Variants in TOX3 observed in about 807,000 individuals in gnomAD.
TOX3 encodes the protein TOX high mobility group box family member 3, also known as CAG trinucleotide repeat-containing gene F9 protein.
In TOX3, 22 loss-of-function variants were observed where a neutral mutation model predicts 64.3. The observed-to-expected ratio is 0.34, with a 90% CI of 0.24 to 0.49. TOX3 has a LOEUF of 0.49. TOX3 is among the 20% of genes least tolerant of loss of function. The pLI is 0.99. For synonymous variants in TOX3, 291 were observed against 273.6 expected, an observed-to-expected ratio of 1.06 and a Z score of -0.63; for missense variants, 661 against 714.4, an observed-to-expected ratio of 0.93 and a Z score of 0.85.
chr16:52,545,143 C>T (rs139902274), intron 1 of TOX3, among the ~76,000 whole-genome samples: 1 of 152,296 alleles, frequency 6.6e-6, no homozygotes, highest in Non-Finnish European at 1.5e-5. Flanking sequence ...CTGAGTAAAT[C>T]CAAAATCAGA....
chr16:52,483,689 C>A (rs1175569477), intron 1 of TOX3, among the ~76,000 whole-genome samples: 1 of 151,236 alleles, frequency 6.6e-6, no homozygotes, highest in Non-Finnish European at 1.5e-5. Flanking sequence ...CTGCCTCAGC[C>A]TCCCGAGTAG....
At position 52,439,725 on chromosome 16, in the gene TOX3, T is replaced by A. The variant is rs748687119; in HGVS notation, c.1231A>T (p.Ile411Phe). ...VTIAANMPSN[I>F]GAPLISSMGT... Reference sequence around the variant, plus strand: ...ATGGAGCTTATCAGTGGAGCCCCAATGTTCGAGGGCATGTTGGCTGCAATG... The same window carrying A: ...ATGGAGCTTATCAGTGGAGCCCCAAAGTTCGAGGGCATGTTGGCTGCAATG... Residue 411 changes from isoleucine (I) to phenylalanine (F), a missense_variant, in exon 7 of 7, where the codon ATT becomes TTT. Coordinates refer to ENST00000219746, the MANE Select transcript of TOX3 (RefSeq NM_001080430.4). The A allele has an allele frequency of 1.2e-6, 2 of 1,613,986 alleles. No individual in the cohort carries two copies. The highest frequency in any genetic ancestry group is 4.5e-5 in the East Asian group (2 of 44,872).
At chr16:52,523,136 G>A (rs1196425978) in intron 1 of TOX3, among the ~76,000 whole-genome samples, 1 of 152,218 alleles carries the variant, frequency 6.6e-6, no homozygotes, top group Non-Finnish European at 1.5e-5. Context: ...GCCCATCAAA[G>A]TCCTCCCTGA....
At chr16:52,532,710 A>T (rs1453932162) in intron 1 of TOX3, among the ~76,000 whole-genome samples, 1 of 152,254 alleles carries the variant, frequency 6.6e-6, no homozygotes. Context: ...ATACGAAGGC[A>T]AAACAGTAAG....
At position 52,546,946 on chromosome 16, in the gene TOX3, G is replaced by GGGGACGCGCCCGGCCGGA. The variant is rs1403078091; in HGVS notation, c.-224_-223insTCCGGCCGGGCGCGTCCC. The GGGGACGCGCCCGGCCGGA allele has an allele frequency of 1.0e-6, 1 of 995,174 alleles. No individual in the cohort carries two copies. Among genetic ancestry groups the GGGGACGCGCCCGGCCGGA allele is most frequent in the African/African-American group, 1.8e-5 (1 of 56,782 alleles). The allele number at this position is 995,174 out of a possible 1,614,324, so 61.6% of individuals were successfully genotyped here. A position where few individuals can be genotyped will look rare whatever the true frequency, so the allele number is the denominator to read the frequency against. On this transcript the variant is annotated 5_prime_UTR_variant, in exon 1 of 7. Coordinates refer to ENST00000219746, the MANE Select transcript of TOX3 (RefSeq NM_001080430.4). ...CCGCGGGAGAGCGGGAGGCGGCCGGGGGGACGCGCCCCGCCGGGGCACCGA... is the reference window on the plus strand; with the variant it reads ...CCGCGGGAGAGCGGGAGGCGGCCGGGGGGACGCGCCCGGCCGGAGGGACGCGCCCCGCCGGGGCACCGA...
chr16:52,489,345 C>T (rs188186106), intron 1 of TOX3, among the ~76,000 whole-genome samples: 1 of 152,272 alleles, frequency 6.6e-6, no homozygotes, highest in East Asian at 1.9e-4. Context: ...GATCTGTCCC[C>T]CTTCACCTTT....
intron 1 of TOX3, among the ~76,000 whole-genome samples, chr16:52,546,034 G>A (rs1028586846): frequency 6.6e-6 from 1 of 152,242 alleles, no homozygotes; most frequent in East Asian, 1.9e-4. Context: ...TCTAAGCGGG[G>A]AGGGGCGGGC....
rs73583137 is a variant in TOX3 at position 52,457,048 on chromosome 16, A to T, written c.409-6502T>A. The stretch of plus-strand genomic sequence containing the variant: ...TGAAGATATGTCTTAGGGTAGCAGG[A>T]TATGAGAAGAGAATGGATAAAACTT... On this transcript the variant is annotated intron_variant, in intron 3 of 6. Transcript: ENST00000219746. Among the ~76,000 whole-genome samples, 1,139 of 152,344 alleles carry T rather than the reference A, an allele frequency of 7.5e-3. 15 individuals carry two copies. The highest frequency in any genetic ancestry group is 0.025 in the African/African-American group (1,049 of 41,592).
chr16:52,516,157 T>C (rs1425562746), intron 1 of TOX3, among the ~76,000 whole-genome samples: 1 of 152,212 alleles, frequency 6.6e-6, no homozygotes, highest in African/African-American at 2.4e-5. Context: ...CAAATGGTAA[T>C]GAATATTAAT....
At chr16:52,525,651 T>C (rs568102003) in intron 1 of TOX3, among the ~76,000 whole-genome samples, 2 of 152,302 alleles carry the variant, frequency 1.3e-5, no homozygotes, top group Non-Finnish European at 2.9e-5. Flanking sequence ...ATTTGAGTTC[T>C]AGAGAGTGCA....
chr16:52,533,681 A>T (rs1962895067), intron 1 of TOX3, among the ~76,000 whole-genome samples: 1 of 152,254 alleles, frequency 6.6e-6, no homozygotes, highest in Admixed American at 6.5e-5. Context: ...TTAAGAGAAA[A>T]AAAGAGGTAA....
At chr16:52,471,205 G>A (rs1180852129) in intron 1 of TOX3, among the ~76,000 whole-genome samples, 1 of 152,212 alleles carries the variant, frequency 6.6e-6, no homozygotes, top group African/African-American at 2.4e-5. Flanking sequence ...ACTGGGTGCT[G>A]TGTATTTTTA....
chr16:52,473,751 T>G (rs1961119990), intron 1 of TOX3, among the ~76,000 whole-genome samples: 1 of 150,998 alleles, frequency 6.6e-6, no homozygotes, highest in Non-Finnish European at 1.5e-5. Flanking sequence ...AGGCAAAGCA[T>G]GACTTTGTGA....
At chr16:52,479,925 C>T (rs1238411209) in intron 1 of TOX3, among the ~76,000 whole-genome samples, 1 of 152,170 alleles carries the variant, frequency 6.6e-6, no homozygotes, top group African/African-American at 2.4e-5. Context: ...CAGAAAACAA[C>T]TCTTTGGAAA....
At chr16:52,542,533 C>T (rs1183656293) in intron 1 of TOX3, among the ~76,000 whole-genome samples, 1 of 152,088 alleles carries the variant, frequency 6.6e-6, no homozygotes, top group African/African-American at 2.4e-5. Context: ...ATATTGGACC[C>T]AAATGTTGGC....
At chr16:52,492,928 T>C (rs1430569214) in intron 1 of TOX3, among the ~76,000 whole-genome samples, 1 of 151,594 alleles carries the variant, frequency 6.6e-6, no homozygotes, top group Non-Finnish European at 1.5e-5. Context: ...ACTCCAGCTT[T>C]CGTTCTGAGA....
chr16:52,503,781 G>A (rs1466323693), intron 1 of TOX3, among the ~76,000 whole-genome samples: 3 of 151,970 alleles, frequency 2.0e-5, no homozygotes, highest in Non-Finnish European at 4.4e-5. Flanking sequence ...ATGTGTTTAT[G>A]GTAACAACAT....
chr16:52,450,970 G>A (rs965906152), intron 3 of TOX3, among the ~76,000 whole-genome samples: 4 of 152,196 alleles, frequency 2.6e-5, no homozygotes, highest in Non-Finnish European at 2.9e-5. Context: ...ACCCATTTAG[G>A]CTCATCCATT....
intron 1 of TOX3, among the ~76,000 whole-genome samples, chr16:52,499,150 A>T (rs761824777): frequency 6.6e-6 from 1 of 152,146 alleles, no homozygotes; most frequent in Non-Finnish European, 1.5e-5. Flanking sequence ...GATTCACAAG[A>T]CCCCCTGGAA....
Sources: gnomAD v4.1 joint callset for allele counts (sites outside exome capture counted in the v4.1 genomes callset) on GRCh38, gnomAD v4.1.1 for gene constraint, MANE v1.5 for transcripts, NCBI Gene and HGNC (gene_info 2026-07-23, HGNC 2026-07-21) for gene names.